Variants in KIF1A observed in about 807,000 individuals in gnomAD.
KIF1A encodes the protein kinesin-like protein KIF1A.
Under a neutral mutation model 227.3 loss-of-function variants are expected in KIF1A, and 46 were observed. The observed-to-expected ratio is 0.20, with a 90% confidence interval of 0.16 to 0.26. The LOEUF is 0.26. Ranked by LOEUF, KIF1A falls within the 10% of genes least tolerant of loss-of-function variation. The pLI is 1.00. For missense variants in KIF1A, 1,683 were observed against 2,485.9 expected (o/e 0.68, Z 6.87); for synonymous variants, 1,022 against 1,012.8 (o/e 1.01, Z -0.17).
chr2:240,787,116 G>T, intron 5 of KIF1A, 135 bp downstream of exon 5: 1 of 728,812 alleles, frequency 1.4e-6, no homozygotes, highest in South Asian at 1.6e-5. Context: ...CGTCTTGCCT[G>T]CCACTTGGAT....
intron 10 of KIF1A, among the ~76,000 whole-genome samples, chr2:240,776,331 G>T (rs1559518235): frequency 6.6e-6 from 1 of 152,214 alleles, no homozygotes; most frequent in Non-Finnish European, 1.5e-5. Flanking sequence ...CAAGGGAAAA[G>T]GCCCCACAGC....
chr2:240,785,534 C>T (rs974590045), intron 6 of KIF1A, among the ~76,000 whole-genome samples: 1 of 152,154 alleles, frequency 6.6e-6, no homozygotes, highest in Non-Finnish European at 1.5e-5. Flanking sequence ...GCATGGGTCT[C>T]GGCAGGGTCC....
Position 240,747,321 on chromosome 2 carries a change from G to C in KIF1A, c.2978C>G (p.Ala993Gly). ...GCCATAATCAGGGGCCTCTTCATCG[G>C]CTGCAGGAGAAACAGAGCAAATGGT... ...FLRVAVQAISADEEAPDYGSG... is the reference protein window; with the variant it reads ...FLRVAVQAISGDEEAPDYGSG... Residue 993 changes from alanine to glycine, a missense_variant and splice_region_variant, in exon 29 of 49, where the codon GCC becomes GGC. Ala to Gly is a moderately conservative substitution (Grantham distance 60, BLOSUM62 0). This residue lies in a region of KIF1A where 759 missense variants were observed against 1,020.2 expected (regional missense o/e 0.74). Coordinates refer to ENST00000498729, the MANE Select transcript of KIF1A (RefSeq NM_001244008.2). 2 of 1,612,432 alleles carry C rather than the reference G, an allele frequency of 1.2e-6. No homozygotes were observed.
Position 240,740,261 on chromosome 2 carries a change from G to A in KIF1A, c.3816+37C>T. ...GCTCACACCTGGTGGGGTGGGGGAG[G>A]GGACACAGGCAGGGTAGGGGCAAGA... On this transcript the variant is annotated intron_variant, in intron 36 of 48. Coordinates refer to ENST00000498729, the MANE Select transcript of KIF1A (RefSeq NM_001244008.2). This position sits in a 1 kb window ranked among gnomAD's most constrained non-coding sequence, Gnocchi z 6.1. 2 of 1,592,844 alleles carry A rather than the reference G, an allele frequency of 1.3e-6. No individual in the cohort carries two copies. The highest frequency in any genetic ancestry group is 1.1e-5 in the South Asian group (1 of 90,074).
At chr2:240,765,564 C>T in intron 20 of KIF1A, 146 bp downstream of exon 20, 1 of 665,202 alleles carries the variant, frequency 1.5e-6, no homozygotes, top group Non-Finnish European at 2.6e-6. Flanking sequence ...GCTTGGATAC[C>T]CGCAGCCCCC....
intron 38 of KIF1A, chr2:240,734,797 G>T (rs1204361964): frequency 4.1e-5 from 53 of 1,287,278 alleles, no homozygotes; most frequent in Non-Finnish European, 6.2e-6. Context: ...AGCGCAGCGG[G>T]AGCGGGGTGG....
In KIF1A at chr2:240,783,057, G is replaced by A; in HGVS notation, c.851C>T (p.Ala284Val). The A allele has an allele frequency of 6.2e-7, 1 of 1,613,564 alleles. No homozygotes were observed. Residue 284 changes from alanine (A) to valine (V), a missense_variant, in exon 9 of 49, where the codon GCC becomes GTC. Transcript: ENST00000498729. ...SLTTLGKVIS[A>V]LAEMDSGPNK... ...CGGGCCACTCACCATTTCAGCCAGG[G>A]CGGAGATGACCTTGCCCAGGGTGGT...
Position 240,788,073 on chromosome 2 carries a change from T to A in KIF1A, c.341A>T (p.Asp114Val). 1 of 1,480,336 alleles carries A rather than the reference T, an allele frequency of 6.8e-7. No individual in the cohort carries two copies. Among genetic ancestry groups the A allele is most frequent in the Non-Finnish European group, 9.1e-7 (1 of 1,101,912 alleles). The allele number at this position is 1,480,336 out of a possible 1,614,324, so 91.7% of individuals were successfully genotyped here. A position where few individuals can be genotyped will look rare whatever the true frequency, so the allele number is the denominator to read the frequency against. ...SYTMMGKQEK[D>V]QQGIIPQLCE... ...TGCCTGTGGGATGATGCCCTGCTGG[T>A]CCTTCTCCTGCTTGCCCATCATGGT... The change falls in exon 4 of 49, where the codon GAC becomes GTC. Residue 114 changes from aspartate (D) to valine (V), a missense_variant. Coordinates refer to ENST00000498729, the MANE Select transcript of KIF1A (RefSeq NM_001244008.2). This position sits in a 1 kb window ranked among gnomAD's most constrained non-coding sequence, Gnocchi z 6.6.
At chr2:240,811,274 A>C (rs752692279) in intron 1 of KIF1A, among the ~76,000 whole-genome samples, 2 of 152,174 alleles carry the variant, frequency 1.3e-5, no homozygotes, top group African/African-American at 2.4e-5. Flanking sequence ...CTGAGGTAGG[A>C]GAATCACTTG....
chr2:240,772,472 A>G, intron 14 of KIF1A, 98 bp downstream of exon 14: 1 of 1,002,784 alleles, frequency 1.0e-6, no homozygotes, highest in African/African-American at 1.6e-5. Flanking sequence ...CAGAGCAGGT[A>G]CCCTGGGGTT....
Position 240,745,916 on chromosome 2 carries a change from G to A in KIF1A, c.3203-7C>T, listed in dbSNP as rs1220953175. 1 of 1,598,420 alleles carries A rather than the reference G, an allele frequency of 6.3e-7. No individual in the cohort carries two copies. The highest frequency in any genetic ancestry group is 8.5e-7 in the Non-Finnish European group (1 of 1,170,804). ...AGGCCTTCTGGGGGCACTGCTGCTG[G>A]GAGTCAAGGAGAGAGTCATGGACCT... On this transcript the variant is annotated splice_region_variant and splice_polypyrimidine_tract_variant and intron_variant, in intron 30 of 48. Transcript: ENST00000498729.
intron 28 of KIF1A, among the ~76,000 whole-genome samples, chr2:240,747,810 CGCCCACACT>C (rs1559497483): frequency 6.6e-6 from 1 of 152,236 alleles, no homozygotes; most frequent in Non-Finnish European, 1.5e-5. Flanking sequence ...CCGGTGCATG[CGCCCACACT>C]CCCCAGCCTT....
intron 28 of KIF1A, among the ~76,000 whole-genome samples, chr2:240,749,707 G>GGATCCCA (rs2049000980): frequency 6.6e-6 from 1 of 152,148 alleles, no homozygotes; most frequent in Non-Finnish European, 1.5e-5. Flanking sequence ...GCATTACAAC[G>GGATCCCA]GATCCCGTTT....
intron 10 of KIF1A, among the ~76,000 whole-genome samples, chr2:240,782,389 G>A (rs947538420): frequency 2.6e-5 from 4 of 151,982 alleles, no homozygotes; most frequent in East Asian, 1.9e-4. Flanking sequence ...AGGCCGCCCC[G>A]GACGCCCTCC....
Position 240,758,212 on chromosome 2 carries a change from A to C in KIF1A, c.2582+148T>G. 1 of 866,270 alleles carries C rather than the reference A, an allele frequency of 1.2e-6. No homozygotes were observed. The allele number at this position is 866,270 out of a possible 1,614,324, so 53.7% of individuals were successfully genotyped here. A position where few individuals can be genotyped will look rare whatever the true frequency, so the allele number is the denominator to read the frequency against. ...GAGAGGAATGGCTGGGAGGAACCTCAGGCCAGGGAGGACAGGGCTGGGAAT... is the reference window on the plus strand; with the variant it reads ...GAGAGGAATGGCTGGGAGGAACCTCCGGCCAGGGAGGACAGGGCTGGGAAT... On this transcript the variant is annotated intron_variant, in intron 26 of 48. Transcript: ENST00000498729. The surrounding 1 kb of genome is among the most constrained non-coding windows in gnomAD (Gnocchi z 5.2).
intron 34 of KIF1A, 113 bp from the exon 35 acceptor site, chr2:240,741,490 A>C (rs1012013629): frequency 1.4e-6 from 1 of 740,538 alleles, no homozygotes; most frequent in Non-Finnish European, 2.1e-6. Flanking sequence ...CAGCAAGGGC[A>C]CCTCCCCCTC....
Position 240,740,354 on chromosome 2 carries a change from C to T in KIF1A, c.3760G>A (p.Ala1254Thr). 1 of 1,613,622 alleles carries T rather than the reference C, an allele frequency of 6.2e-7. No homozygotes were observed. The highest frequency in any genetic ancestry group is 1.1e-5 in the South Asian group (1 of 91,070). ...ATGCCCCCACGGTGGTCCACCACGG[C>T]CGGGATGTAACTGGAAGAGAGAGAC... Reference protein sequence around the residue: ...ELEANGDYIPAVVDHRGGMPC... With the variant: ...ELEANGDYIPTVVDHRGGMPC... The change falls in exon 36 of 49, where the codon GCC (alanine) becomes ACC (threonine). Residue 1254 changes from alanine to threonine, a missense_variant. Ala to Thr is a moderately conservative substitution (Grantham distance 58). Transcript: ENST00000498729. This position sits in a 1 kb window ranked among gnomAD's most constrained non-coding sequence, Gnocchi z 6.1.
chr2:240,795,256 G>A (rs571286063), intron 2 of KIF1A, among the ~76,000 whole-genome samples: 1 of 152,278 alleles, frequency 6.6e-6, no homozygotes, highest in South Asian at 2.1e-4. Flanking sequence ...TGGCACATAG[G>A]CGAAATCCCA....
intron 1 of KIF1A, among the ~76,000 whole-genome samples, chr2:240,810,803 G>A (rs1001071937): frequency 6.6e-6 from 1 of 152,140 alleles, no homozygotes; most frequent in African/African-American, 2.4e-5. Flanking sequence ...TAAGGGCCTG[G>A]ACGCCACCAA....
Sources: allele counts gnomAD v4.1 joint callset (sites outside exome capture counted in the v4.1 genomes callset), GRCh38; gene constraint gnomAD v4.1.1; regional missense constraint gnomAD v4.1.1; non-coding constraint Gnocchi (gnomAD v3.1); transcripts MANE v1.5; gene names NCBI Gene and HGNC (gene_info 2026-07-23, HGNC 2026-07-21).